The following GLIS3 variants were observed in gnomAD, a reference collection of about 807,000 sequenced individuals.
GLIS3 encodes GLIS family zinc finger 3.
A neutral mutation model predicts 78.6 loss-of-function variants in GLIS3; 53 were observed. The observed-to-expected ratio is 0.67, with a 90% CI of 0.54 to 0.85. The LOEUF is 0.85. Among genes scored for constraint, GLIS3 ranks in the 40% least tolerant of loss-of-function variants. The pLI is 0.00. For synonymous variants in GLIS3, 684 were observed against 509.9 expected, an observed-to-expected ratio of 1.34 and a Z score of -4.60; for missense variants, 1,703 against 1,231.1, an observed-to-expected ratio of 1.38 and a Z score of -5.74.
chr9:4,256,288 C>G (rs1297495736), intron 2 of GLIS3, among the ~76,000 whole-genome samples: 1 of 152,042 alleles, frequency 6.6e-6, no homozygotes, highest in Non-Finnish European at 1.5e-5. Flanking sequence ...TACCATTCAG[C>G]AAATTAAATT....
intron 8 of GLIS3, among the ~76,000 whole-genome samples, chr9:3,875,171 T>TA (rs757797384): frequency 5.3e-5 from 8 of 152,228 alleles, no homozygotes; most frequent in Non-Finnish European, 1.2e-4. Flanking sequence ...GCCACTGTCA[T>TA]AAAGTACCAC....
intron 4 of GLIS3, among the ~76,000 whole-genome samples, chr9:4,003,086 G>A (rs1821248699): frequency 6.6e-6 from 1 of 152,136 alleles, no homozygotes; most frequent in African/African-American, 2.4e-5. Flanking sequence ...CTTTTCAAAA[G>A]TTTTATATAT....
At chr9:4,439,610 C>G in the GLIS3 span, among the ~76,000 whole-genome samples, 1 of 152,214 alleles carries the variant, frequency 6.6e-6, no homozygotes, top group Non-Finnish European at 1.5e-5. Flanking sequence ...AAACACCATT[C>G]TACTCTCTCC....
intron 4 of GLIS3, among the ~76,000 whole-genome samples, chr9:4,016,888 C>A (rs1323766102): frequency 6.6e-6 from 1 of 152,102 alleles, no homozygotes; most frequent in South Asian, 2.1e-4. Flanking sequence ...AACACTTAAA[C>A]GGCACAAGGA....
chr9:4,111,232 A>T (rs1831188076), intron 4 of GLIS3, among the ~76,000 whole-genome samples: 1 of 152,190 alleles, frequency 6.6e-6, no homozygotes, highest in African/African-American at 2.4e-5. Context: ...AACAAATATG[A>T]ACTAAAAGGA....
intron 4 of GLIS3, among the ~76,000 whole-genome samples, chr9:4,089,685 G>A (rs1829327377): frequency 6.6e-6 from 1 of 152,034 alleles, no homozygotes; most frequent in Non-Finnish European, 1.5e-5. Flanking sequence ...CAGGCATGGT[G>A]GTGTATACAT....
intron 3 of GLIS3, among the ~76,000 whole-genome samples, chr9:4,120,253 T>C (rs1339322607): frequency 6.6e-6 from 1 of 152,196 alleles, no homozygotes; most frequent in Non-Finnish European, 1.5e-5. Flanking sequence ...CATATGATAT[T>C]AGCAAGAAAA....
chr9:4,407,884 T>C, the GLIS3 span, among the ~76,000 whole-genome samples: 1 of 151,924 alleles, frequency 6.6e-6, no homozygotes, highest in East Asian at 1.9e-4. Flanking sequence ...GTGTTAATAA[T>C]AGAATATATA....
chr9:3,855,983 C>T (rs748760417), intron 9 of GLIS3, 26 bp downstream of exon 9: 3 of 1,613,398 alleles, frequency 1.9e-6, no homozygotes, highest in Admixed American at 3.3e-5. Flanking sequence ...TTTCAAAACT[C>T]AAGGGACTGC....
chr9:4,308,410 A>C (rs536165175), intron 4 of GLIS3, among the ~76,000 whole-genome samples: 1 of 152,216 alleles, frequency 6.6e-6, no homozygotes, highest in Admixed American at 6.5e-5. Flanking sequence ...GAAGGAAGGA[A>C]GGGCGCTGGA....
chr9:4,319,129 T>C (rs1399326711), intron 2 of GLIS3, among the ~76,000 whole-genome samples: 2 of 152,044 alleles, frequency 1.3e-5, no homozygotes, highest in African/African-American at 4.8e-5. Context: ...GACAACAAAA[T>C]GAAATGAGTG....
chr9:4,016,443 A>T (rs1822444617), intron 4 of GLIS3, among the ~76,000 whole-genome samples: 1 of 152,182 alleles, frequency 6.6e-6, no homozygotes, highest in African/African-American at 2.4e-5. Context: ...AATAAGAAGA[A>T]TTATACATTT....
At chr9:4,114,136 C>T (rs1277122854) in intron 4 of GLIS3, among the ~76,000 whole-genome samples, 2 of 152,144 alleles carry the variant, frequency 1.3e-5, no homozygotes, top group Admixed American at 1.3e-4. Context: ...CCCTGGGTCC[C>T]TCTACTCACT....
In GLIS3 at chr9:4,007,556, A is replaced by G. The variant is rs60804697; in HGVS notation, c.1711-70367T>C. Among the ~76,000 whole-genome samples, 1,128 of 152,260 alleles carry G rather than the reference A, an allele frequency of 7.4e-3. 17 individuals carry two copies. The highest frequency in any genetic ancestry group is 0.026 in the African/African-American group (1,082 of 41,548). On this transcript the variant is annotated intron_variant, in intron 4 of 10. Coordinates refer to ENST00000381971, the MANE Select transcript of GLIS3 (RefSeq NM_001042413.2). ...CATCTCAGGGATAGCTGGAATTTCA[A>G]TGGGGATTCATCAACAATTTAAGAA...
intron 4 of GLIS3, among the ~76,000 whole-genome samples, chr9:4,012,765 C>CTTTTTTTTTT (rs71324278): frequency 7.5e-5 from 5 of 66,502 alleles, no homozygotes; most frequent in Non-Finnish European, 1.1e-4. Context: ...TTTTCTTTTT[C>CTTTTTTTTTT]TTTTTTTTTT....
chr9:4,468,086 AGAAAAAAGG>A, the GLIS3 span, among the ~76,000 whole-genome samples: 5 of 152,224 alleles, frequency 3.3e-5, no homozygotes, highest in Admixed American at 2.0e-4. Context: ...AGAAGTTTAG[AGAAAAAAGG>A]GAAAAAAGAA....
chr9:4,164,148 G>C (rs1205443250), intron 2 of GLIS3, among the ~76,000 whole-genome samples: 1 of 152,260 alleles, frequency 6.6e-6, no homozygotes, highest in Non-Finnish European at 1.5e-5. Flanking sequence ...AAATGACAGT[G>C]GGTCATTTAG....
At chr9:3,931,962 A>T (rs1825648314) in intron 6 of GLIS3, among the ~76,000 whole-genome samples, 1 of 152,208 alleles carries the variant, frequency 6.6e-6, no homozygotes, top group African/African-American at 2.4e-5. Context: ...ATGAAAAAGC[A>T]TTTCTTTCCA....
intron 2 of GLIS3, among the ~76,000 whole-genome samples, chr9:4,262,591 C>A (rs1825629917): frequency 6.6e-6 from 1 of 152,090 alleles, no homozygotes; most frequent in African/African-American, 2.4e-5. Context: ...GTCCTAACAA[C>A]TTAGTAACTA....
Sources: gnomAD v4.1 joint callset for allele counts (sites outside exome capture counted in the v4.1 genomes callset) on GRCh38, gnomAD v4.1.1 for gene constraint, MANE v1.5 for transcripts, NCBI Gene and HGNC (gene_info 2026-07-23, HGNC 2026-07-21) for gene names.